Variants in PIWIL1 observed in about 807,000 individuals in gnomAD.
The protein encoded by PIWIL1 is piwi-like protein 1.
PIWIL1 carries 73 observed loss-of-function variants against 114.4 expected under a neutral mutation model. The ratio of observed to expected loss-of-function variants is 0.64; its 90% CI spans 0.53 to 0.78. The LOEUF is 0.78. PIWIL1 is among the 30% of genes least tolerant of loss of function. The probability of loss-of-function intolerance (pLI) is 0.00; values close to 1 mark genes in which losing one functional copy is unlikely to be tolerated. For missense variants in PIWIL1, 723 were observed against 1,063.1 expected, an observed-to-expected ratio of 0.68 and a Z score of 4.45; for synonymous variants, 375 against 369.0, an observed-to-expected ratio of 1.02 and a Z score of -0.19.
chr12:130,362,013 A>C (rs1370430455), intron 16 of PIWIL1, among the ~76,000 whole-genome samples: 1 of 152,222 alleles, frequency 6.6e-6, no homozygotes, highest in Non-Finnish European at 1.5e-5. Flanking sequence ...CAAGAATAGT[A>C]ATATATGAAA....
chr12:130,376,342 A>G (rs1429512248), downstream of PIWIL1, among the ~76,000 whole-genome samples: 18 of 152,262 alleles, frequency 1.2e-4, no homozygotes, highest in Admixed American at 1.2e-3. Flanking sequence ...TGATACTGTC[A>G]GCACATGACG....
At chr12:130,376,033 C>T (rs1411433372), downstream of PIWIL1, among the ~76,000 whole-genome samples, 2 of 152,068 alleles carry the variant, frequency 1.3e-5, no homozygotes, top group Non-Finnish European at 2.9e-5. Flanking sequence ...TTTCTTTCTG[C>T]TCTTCCTCTG....
chr12:130,414,132 A>G, the PIWIL1 span: 1 of 1,614,142 alleles, frequency 6.2e-7, no homozygotes, highest in Non-Finnish European at 8.5e-7. Context: ...CACCTTGATG[A>G]TCTGGCCTTC....
chr12:130,400,326 C>T, the PIWIL1 span, among the ~76,000 whole-genome samples: 2 of 152,174 alleles, frequency 1.3e-5, no homozygotes, highest in Admixed American at 6.5e-5. Context: ...AGGTTATTAT[C>T]GTAAACATTC....
rs1434623680 is a variant in PIWIL1, at chr12:130,349,942, T to C, written c.1019T>C (p.Val340Ala). The change falls in exon 9 of 21, where the codon GTC becomes GCC. Residue 340 changes from valine to alanine, a missense_variant. By Grantham distance (64) the Val-to-Ala change is moderately conservative. This residue lies in a region of PIWIL1 where 298 missense variants were observed against 420.8 expected (regional missense o/e 0.71). Transcript: ENST00000245255. ...STFKKADGSE[V>A]SFLEYYRKQY... is the part of the protein sequence containing the mutation. ...TTTAAGAAAGCCGACGGCTCTGAAG[T>C]CAGCTTCTTAGAATACTACAGGAAG... 6.2e-7 allele frequency: 1 copy of C among 1,611,314 alleles called. No individual in the cohort carries two copies. The highest frequency in any genetic ancestry group is 1.3e-5 in the African/African-American group (1 of 74,942).
At chr12:130,383,918 G>A in the PIWIL1 span, 1 of 152,072 alleles carries the variant, frequency 6.6e-6, no homozygotes, top group Non-Finnish European at 1.5e-5. Context: ...GTATATTTTT[G>A]TGTTTACAGA....
In PIWIL1 at chr12:130,346,537, G is replaced by C; in HGVS notation, c.484G>C (p.Ala162Pro). ...CGAAGATCTAATTGGAAAGTGTCAT[G>C]CTTTTGATGGAACGATATTATTTTT... is the stretch of plus-strand genomic sequence containing the variant. ...QHEDLIGKCH[A>P]FDGTILFLPK... The change falls in exon 5 of 21, where the codon GCT (alanine) becomes CCT (proline). Residue 162 changes from alanine to proline, a missense_variant. By Grantham distance (27) the Ala-to-Pro change is conservative (BLOSUM62 -1). Around this residue, in one of 8 missense-constraint regions of PIWIL1, gnomAD observed 190 missense variants for 294.4 expected, o/e 0.65. Coordinates refer to ENST00000245255, the MANE Select transcript of PIWIL1 (RefSeq NM_004764.5). 1 of 1,614,152 alleles carries C rather than the reference G, an allele frequency of 6.2e-7. No homozygotes were observed. The highest frequency in any genetic ancestry group is 8.5e-7 in the Non-Finnish European group (1 of 1,179,990).
At chr12:130,342,808 A>G in intron 2 of PIWIL1, 139 bp downstream of exon 2, 1 of 754,448 alleles carries the variant, frequency 1.3e-6, no homozygotes, top group South Asian at 1.7e-5. Flanking sequence ...TCCTCAGGAT[A>G]TTAGAAGCTG....
At chr12:130,345,698 T>C (rs1309039624) in intron 3 of PIWIL1, 55 bp from the exon 4 acceptor site, 1 of 1,596,228 alleles carries the variant, frequency 6.3e-7, no homozygotes. Context: ...GGAGTTAATA[T>C]TGTCATCCTT....
chr12:130,405,830 C>G, the PIWIL1 span, among the ~76,000 whole-genome samples: 1 of 151,916 alleles, frequency 6.6e-6, no homozygotes, highest in Admixed American at 6.6e-5. Context: ...TATTTTTGAC[C>G]TATACAGTTA....
intron 18 of PIWIL1, among the ~76,000 whole-genome samples, chr12:130,365,179 G>A (rs935464716): frequency 2.0e-5 from 3 of 152,216 alleles, no homozygotes; most frequent in African/African-American, 7.2e-5. Flanking sequence ...GAGAACCTAA[G>A]TCGACTGCTT....
At chr12:130,380,470 G>A in the PIWIL1 span, among the ~76,000 whole-genome samples, 3 of 152,220 alleles carry the variant, frequency 2.0e-5, no homozygotes, top group Non-Finnish European at 4.4e-5. Context: ...AAACCAAGAG[G>A]ACCACTAAGG....
the PIWIL1 span, among the ~76,000 whole-genome samples, chr12:130,378,336 G>A: frequency 3.5e-4 from 54 of 152,308 alleles, 1 homozygote; most frequent in South Asian, 1.0e-3. Context: ...GTATTCGACC[G>A]CGTGATGAGT....
At chr12:130,366,115 A>G (rs1285584460) in intron 18 of PIWIL1, among the ~76,000 whole-genome samples, 1 of 152,204 alleles carries the variant, frequency 6.6e-6, no homozygotes, top group Non-Finnish European at 1.5e-5. Flanking sequence ...AATCAAGTGT[A>G]TCTGTCCTCT....
chr12:130,412,303 C>T, the PIWIL1 span, among the ~76,000 whole-genome samples: 22 of 152,250 alleles, frequency 1.4e-4, no homozygotes, highest in East Asian at 2.9e-3. Flanking sequence ...AACCGTATTA[C>T]CAGAAAGCAG....
At chr12:130,423,378 C>T in the PIWIL1 span, among the ~76,000 whole-genome samples, 2 of 152,132 alleles carry the variant, frequency 1.3e-5, no homozygotes, top group African/African-American at 4.8e-5. Flanking sequence ...CTGGGTGGGC[C>T]CATCGCAAGC....
the PIWIL1 span, among the ~76,000 whole-genome samples, chr12:130,387,752 G>T: frequency 6.6e-6 from 1 of 151,894 alleles, no homozygotes; most frequent in Non-Finnish European, 1.5e-5. Flanking sequence ...TGCCAAAGTG[G>T]ATGCTGTTGA....
At chr12:130,397,524 G>C in the PIWIL1 span, 3 of 399,028 alleles carry the variant, frequency 7.5e-6, no homozygotes, top group Non-Finnish European at 1.3e-5. Context: ...AGCTCTCCTT[G>C]CTGTACCTGA....
At chr12:130,365,440 A>G (rs1565955107) in intron 18 of PIWIL1, among the ~76,000 whole-genome samples, 2 of 152,234 alleles carry the variant, frequency 1.3e-5, no homozygotes, top group East Asian at 3.8e-4. Flanking sequence ...AAAACCTTCA[A>G]GTTGTACATA....
Sources: gnomAD v4.1 joint callset for allele counts (sites outside exome capture counted in the v4.1 genomes callset) on GRCh38, gnomAD v4.1.1 for gene constraint, gnomAD v4.1.1 regional missense constraint, MANE v1.5 for transcripts, NCBI Gene and HGNC (gene_info 2026-07-23, HGNC 2026-07-21) for gene names.